The following ALK variants were observed in gnomAD, a reference collection of about 807,000 sequenced individuals.
ALK encodes ALK receptor tyrosine kinase.
A neutral mutation model predicts 163.1 loss-of-function variants in ALK; 74 were observed. That is an observed-to-expected ratio of 0.45 (90% CI 0.38 to 0.55). The LOEUF is 0.55. ALK is among the 20% of genes least tolerant of loss of function. The pLI, the probability that ALK is intolerant of heterozygous loss-of-function variation, is 0.00. For synonymous variants in ALK, 960 were observed against 843.2 expected (o/e 1.14, Z -2.40); for missense variants, 2,063 against 2,105.3 (o/e 0.98, Z 0.39).
chr2:29,664,755 T>C lies in ALK; in HGVS notation c.952+30095A>G, dbSNP rs11895492. ...TGACAGCATAATGGCTTCCAACTAC[T>C]GAACCTTTACTCTGTGCTCAGCATG... On this transcript the variant is annotated intron_variant, in intron 3 of 28. Transcript: ENST00000389048. 4.0e-3 allele frequency among the ~76,000 whole-genome samples: 614 copies of C among 152,272 alleles called. 4 individuals carry two copies. Among genetic ancestry groups the C allele is most frequent in the African/African-American group, 0.014 (581 of 41,580 alleles).
intron 3 of ALK, among the ~76,000 whole-genome samples, chr2:29,681,737 A>C (rs1678074851): frequency 9.1e-5 from 13 of 142,558 alleles, no homozygotes; most frequent in South Asian, 2.4e-4. Flanking sequence ...TTCACCTACA[A>C]CCCCCCTGGG....
chr2:29,758,446 C>T (rs532487545), intron 1 of ALK, among the ~76,000 whole-genome samples: 18 of 152,270 alleles, frequency 1.2e-4, no homozygotes, highest in African/African-American at 4.3e-4. Flanking sequence ...TTTCTCAGTG[C>T]CAGGCTTGGC....
In ALK at chr2:29,910,968, AAACAAC is replaced by A. The variant is rs374826747; in HGVS notation, c.667+9019_667+9024del. Among the ~76,000 whole-genome samples the A allele has an allele frequency of 8.6e-5, 13 of 152,026 alleles. No homozygotes were observed. In the East Asian group the frequency reaches 1.4e-3, roughly 16 times the overall value. ...CTTTACAACCGAAATACTCTGGACG[AAACAAC>A]AACAACAACAACAACAAGAAAAACA... On this transcript the variant is annotated intron_variant, in intron 1 of 28. Transcript: ENST00000389048.
chr2:29,517,924 G>T (rs554179684), intron 4 of ALK, among the ~76,000 whole-genome samples: 3 of 152,288 alleles, frequency 2.0e-5, no homozygotes, highest in African/African-American at 7.2e-5. Context: ...TCCTTCACCT[G>T]TCTTTACTTC....
At chr2:29,869,886 T>C (rs1397757311) in intron 1 of ALK, among the ~76,000 whole-genome samples, 1 of 152,146 alleles carries the variant, frequency 6.6e-6, no homozygotes, top group Non-Finnish European at 1.5e-5. Flanking sequence ...TTGATTAATG[T>C]GCAAATGACA....
intron 4 of ALK, among the ~76,000 whole-genome samples, chr2:29,502,441 GTT>G (rs1402469293): frequency 6.6e-6 from 1 of 152,292 alleles, no homozygotes; most frequent in Admixed American, 6.5e-5. Context: ...CCCAGAGAGT[GTT>G]TGCAGTAGAA....
At chr2:29,895,041 C>T (rs1209551631) in intron 1 of ALK, among the ~76,000 whole-genome samples, 1 of 152,050 alleles carries the variant, frequency 6.6e-6, no homozygotes, top group African/African-American at 2.4e-5. Flanking sequence ...TCATGTGCTT[C>T]CTTTCTGAAG....
intron 11 of ALK, among the ~76,000 whole-genome samples, chr2:29,254,303 CTCTA>C (rs3028220): frequency 0.47 from 70,530 of 151,638 alleles, 18,530 homozygotes; most frequent in East Asian, 0.75. Flanking sequence ...CTCTCTCTCT[CTCTA>C]TATATATATA....
At chr2:29,826,082 G>A (rs1249650463) in intron 1 of ALK, among the ~76,000 whole-genome samples, 5 of 152,020 alleles carry the variant, frequency 3.3e-5, no homozygotes, top group African/African-American at 7.2e-5. Context: ...GGTGACAGGT[G>A]CCCACCTGCA....
intron 3 of ALK, among the ~76,000 whole-genome samples, chr2:29,554,537 C>G (rs769932933): frequency 3.9e-5 from 6 of 152,174 alleles, no homozygotes; most frequent in Admixed American, 1.3e-4. Flanking sequence ...AGTCAGGAAA[C>G]AGTAACCACT....
intron 3 of ALK, among the ~76,000 whole-genome samples, chr2:29,577,509 G>C (rs1415658807): frequency 1.3e-5 from 2 of 152,178 alleles, no homozygotes; most frequent in Non-Finnish European, 2.9e-5. Context: ...GGGAAGGGAT[G>C]GGACCGGTAA....
intron 3 of ALK, among the ~76,000 whole-genome samples, chr2:29,571,089 G>A (rs1363331211): frequency 6.6e-6 from 1 of 152,128 alleles, no homozygotes; most frequent in East Asian, 1.9e-4. Context: ...GGGAGATAGT[G>A]GAGGGGGCAC....
At chr2:29,776,225 T>TAAAAAAAAA (rs58918857) in intron 1 of ALK, among the ~76,000 whole-genome samples, 1 of 131,240 alleles carries the variant, frequency 7.6e-6, no homozygotes, top group African/African-American at 3.0e-5. Flanking sequence ...GGAATTTTGT[T>TAAAAAAAAA]AAAAAAAAAA....
chr2:29,919,984 G>A lies in ALK; in HGVS notation c.667+9C>T, dbSNP rs773016330. On this transcript the variant is annotated intron_variant, in intron 1 of 28. Coordinates refer to ENST00000389048, the MANE Select transcript of ALK (RefSeq NM_004304.5). ...TAAATCCCGGCACACTCAGGCGGGA[G>A]CTGCTCACCAGTCCCGAAGATCTGG... 1 of 1,612,684 alleles carries A rather than the reference G, an allele frequency of 6.2e-7. No homozygotes were observed. The highest frequency in any genetic ancestry group is 1.3e-5 in the African/African-American group (1 of 75,058).
intron 4 of ALK, among the ~76,000 whole-genome samples, chr2:29,474,897 C>T (rs998650902): frequency 1.3e-5 from 2 of 152,138 alleles, no homozygotes; most frequent in African/African-American, 4.8e-5. Context: ...TTATCTACTG[C>T]GAGGCCTTTG....
intron 5 of ALK, among the ~76,000 whole-genome samples, 181 bp from the exon 6 acceptor site, chr2:29,328,662 C>T (rs543733598): frequency 6.6e-6 from 1 of 152,356 alleles, no homozygotes; most frequent in Admixed American, 6.5e-5. Context: ...CCAACATCAG[C>T]AGGGAGAGGG....
At chr2:29,410,115 G>A (rs59390070) in intron 4 of ALK, among the ~76,000 whole-genome samples, 28,388 of 151,942 alleles carry the variant, frequency 0.19, 2,976 homozygotes, top group African/African-American at 0.26. Flanking sequence ...TGATTTTGTC[G>A]TCATGGGAAC....
At chr2:29,665,156 C>T (rs1472198627) in intron 3 of ALK, among the ~76,000 whole-genome samples, 2 of 151,462 alleles carry the variant, frequency 1.3e-5, no homozygotes, top group African/African-American at 4.8e-5. Context: ...TTGGATAATT[C>T]TTGTATTTTT....
At position 29,814,837 on chromosome 2, in the gene ALK, G is replaced by T. The variant is rs531046891; in HGVS notation, c.668-97140C>A. ...ATTCACAGGATTGGTATGAGAAATT[G>T]TAAGTACAATTTAAATGTACTTACA... On this transcript the variant is annotated intron_variant, in intron 1 of 28. Coordinates refer to ENST00000389048, the MANE Select transcript of ALK (RefSeq NM_004304.5). 1.1e-4 allele frequency among the ~76,000 whole-genome samples: 16 copies of T among 151,618 alleles called. No individual in the cohort carries two copies. The East Asian group carries it at 3.1e-3, about 30-fold the overall frequency.
Sources: allele counts gnomAD v4.1 joint callset (sites outside exome capture counted in the v4.1 genomes callset), GRCh38; gene constraint gnomAD v4.1.1; transcripts MANE v1.5; gene names NCBI Gene and HGNC (gene_info 2026-07-23, HGNC 2026-07-21).